Variants in PLD1 observed in about 807,000 individuals in gnomAD.
PLD1 encodes the protein phospholipase D1.
PLD1 carries 112 observed loss-of-function variants against 137.1 expected under a neutral mutation model. The ratio of observed to expected loss-of-function variants is 0.82; its 90% CI spans 0.70 to 0.96. The LOEUF (loss-of-function observed/expected upper bound fraction) is 0.96. Among genes scored for constraint, PLD1 ranks in the 40% least tolerant of loss-of-function variants. The pLI is 0.00. For synonymous variants in PLD1, 431 were observed against 454.7 expected (o/e 0.95, Z 0.66); for missense variants, 1,321 against 1,342.0 (o/e 0.98, Z 0.24).
At chr3:171,675,097 T>C (rs943012524) in intron 18 of PLD1, among the ~76,000 whole-genome samples, 2 of 152,088 alleles carry the variant, frequency 1.3e-5, no homozygotes, top group Non-Finnish European at 2.9e-5. Context: ...ATTATTTGTG[T>C]TTGTTTTCTA....
At chr3:171,655,236 G>A (rs1386787481) in intron 21 of PLD1, among the ~76,000 whole-genome samples, 1 of 152,198 alleles carries the variant, frequency 6.6e-6, no homozygotes, top group Non-Finnish European at 1.5e-5. Context: ...TCTCAGAAAA[G>A]TAGAGACCAG....
At chr3:171,638,202 A>G (rs1370924525) in intron 23 of PLD1, among the ~76,000 whole-genome samples, 1 of 151,804 alleles carries the variant, frequency 6.6e-6, no homozygotes, top group Non-Finnish European at 1.5e-5. Flanking sequence ...AAAAAAAAAA[A>G]AAAAAGATAC....
chr3:171,791,025 T>C (rs1187639252), intron 1 of PLD1, among the ~76,000 whole-genome samples: 12 of 152,232 alleles, frequency 7.9e-5, no homozygotes, highest in Admixed American at 7.2e-4. Context: ...ATTAAGTGTT[T>C]AAGAGGATTA....
At chr3:171,641,849 T>C (rs1451764293) in intron 23 of PLD1, among the ~76,000 whole-genome samples, 1 of 152,162 alleles carries the variant, frequency 6.6e-6, no homozygotes, top group African/African-American at 2.4e-5. Flanking sequence ...TTTGATGAAT[T>C]TGCTCCAGGG....
At chr3:171,689,626 G>C (rs1429728028) in intron 13 of PLD1, among the ~76,000 whole-genome samples, 2 of 152,010 alleles carry the variant, frequency 1.3e-5, no homozygotes, top group Non-Finnish European at 2.9e-5. Context: ...TCAGCCTCCT[G>C]AGTAGCTGGG....
At chr3:171,664,883 C>A (rs1711941863) in intron 19 of PLD1, among the ~76,000 whole-genome samples, 1 of 152,090 alleles carries the variant, frequency 6.6e-6, no homozygotes, top group Non-Finnish European at 1.5e-5. Flanking sequence ...CCTAAAGCTG[C>A]TGTGAAGAAA....
chr3:171,710,218 G>A (rs943650419), intron 9 of PLD1, among the ~76,000 whole-genome samples: 1 of 151,982 alleles, frequency 6.6e-6, no homozygotes, highest in Non-Finnish European at 1.5e-5. Context: ...CCGCCACCAC[G>A]CCCGGCTAAT....
At chr3:171,620,359 C>A in intron 24 of PLD1, 27 bp downstream of exon 24, 1 of 1,489,786 alleles carries the variant, frequency 6.7e-7, no homozygotes. Flanking sequence ...GCAAGGAATA[C>A]AATTATAGAC....
chr3:171,620,603 T>C, intron 23 of PLD1, 83 bp from the exon 24 acceptor site: 1 of 772,252 alleles, frequency 1.3e-6, no homozygotes, highest in South Asian at 1.7e-5. Context: ...TCTCAAAACA[T>C]ACTACTTAGA....
chr3:171,762,487 C>A (rs898845322), intron 1 of PLD1, among the ~76,000 whole-genome samples: 2 of 152,132 alleles, frequency 1.3e-5, no homozygotes, highest in Non-Finnish European at 2.9e-5. Flanking sequence ...GGCTCACAAG[C>A]CAGGGGAGGA....
chr3:171,669,950 C>A (rs1325032080), intron 19 of PLD1, among the ~76,000 whole-genome samples: 1 of 152,206 alleles, frequency 6.6e-6, no homozygotes, highest in Non-Finnish European at 1.5e-5. Flanking sequence ...GAATCTATCC[C>A]TTAATTGCTA....
chr3:171,655,296 C>T (rs1737095342), intron 21 of PLD1, among the ~76,000 whole-genome samples: 1 of 152,120 alleles, frequency 6.6e-6, no homozygotes, highest in Middle Eastern at 3.2e-3. Flanking sequence ...CATCATGGCA[C>T]CTAATTAGTG....
At chr3:171,625,001 G>A (rs577806238) in intron 23 of PLD1, among the ~76,000 whole-genome samples, 1 of 151,908 alleles carries the variant, frequency 6.6e-6, no homozygotes, top group Non-Finnish European at 1.5e-5. Context: ...TATGTTTTTT[G>A]TATAGTTCTG....
At chr3:171,757,202 T>C (rs1721087710) in intron 1 of PLD1, among the ~76,000 whole-genome samples, 1 of 152,220 alleles carries the variant, frequency 6.6e-6, no homozygotes, top group Admixed American at 6.5e-5. Flanking sequence ...TTCTGAAGAC[T>C]CTGCTCAGTG....
At chr3:171,690,206 T>G (rs910163325) in intron 13 of PLD1, among the ~76,000 whole-genome samples, 2 of 152,224 alleles carry the variant, frequency 1.3e-5, no homozygotes. Context: ...GAATTGGTAG[T>G]AATGTCTCTA....
At chr3:171,696,922 C>A (rs534914448) in intron 12 of PLD1, among the ~76,000 whole-genome samples, 1 of 152,300 alleles carries the variant, frequency 6.6e-6, no homozygotes, top group South Asian at 2.1e-4. Context: ...CAGGCAATAA[C>A]GTTTATTTGG....
At chr3:171,614,146 G>A (rs1732900528) in intron 24 of PLD1, among the ~76,000 whole-genome samples, 1 of 152,168 alleles carries the variant, frequency 6.6e-6, no homozygotes, top group Admixed American at 6.5e-5. Flanking sequence ...TGATGACTAT[G>A]GATGTGAGTG....
intron 1 of PLD1, among the ~76,000 whole-genome samples, chr3:171,774,043 C>T (rs1722505903): frequency 6.6e-6 from 1 of 152,174 alleles, no homozygotes; most frequent in Admixed American, 6.5e-5. Context: ...CCACCGCGCC[C>T]GGCTATTATA....
intron 1 of PLD1, among the ~76,000 whole-genome samples, chr3:171,804,854 C>G (rs1473799154): frequency 6.6e-6 from 1 of 152,240 alleles, no homozygotes; most frequent in African/African-American, 2.4e-5. Context: ...AGATGCAAGG[C>G]TTTTTGTAAA....
Sources: gnomAD v4.1 joint callset for allele counts (sites outside exome capture counted in the v4.1 genomes callset) on GRCh38, gnomAD v4.1.1 for gene constraint, MANE v1.5 for transcripts, NCBI Gene and HGNC (gene_info 2026-07-23, HGNC 2026-07-21) for gene names.